USP12: variants seen among roughly 807,000 people sequenced by gnomAD.
USP12 encodes ubiquitin specific peptidase 12.
USP12 carries 19 observed loss-of-function variants against 45.5 expected under a neutral mutation model. The observed-to-expected ratio is 0.42, with a 90% CI of 0.29 to 0.61. The LOEUF (loss-of-function observed/expected upper bound fraction) is 0.61, where lower values mean the gene tolerates loss of function less well. Among genes scored for constraint, USP12 ranks in the 20% least tolerant of loss-of-function variants. USP12 has a pLI of 0.22. For synonymous variants in USP12, 149 were observed against 148.8 expected, an observed-to-expected ratio of 1.00 and a Z score of -0.01; for missense variants, 242 against 447.7, an observed-to-expected ratio of 0.54 and a Z score of 4.15.
At chr13:27,092,880 C>T (rs1048270184) in intron 4 of USP12, among the ~76,000 whole-genome samples, 4 of 152,032 alleles carry the variant, frequency 2.6e-5, no homozygotes, top group Non-Finnish European at 5.9e-5. Context: ...AAATTAAAAA[C>T]TGATAATTAA....
At chr13:27,078,073 T>A (rs564634584) in intron 6 of USP12, 2 of 152,256 alleles carry the variant, frequency 1.3e-5, no homozygotes, top group South Asian at 4.1e-4. Flanking sequence ...TTTAAATTTA[T>A]TTTTTTAATG....
intron 3 of USP12, among the ~76,000 whole-genome samples, chr13:27,097,485 C>T (rs1874645098): frequency 6.6e-6 from 1 of 152,150 alleles, no homozygotes; most frequent in African/African-American, 2.4e-5. Context: ...AACAACAAAA[C>T]AGAATACCAT....
At chr13:27,100,810 A>G (rs931181789) in intron 3 of USP12, among the ~76,000 whole-genome samples, 8 of 152,202 alleles carry the variant, frequency 5.3e-5, no homozygotes, top group Non-Finnish European at 1.2e-4. Flanking sequence ...AAAGAAGAAT[A>G]ATCAGGGAGA....
intron 1 of USP12, among the ~76,000 whole-genome samples, chr13:27,142,957 G>A (rs1026759099): frequency 6.6e-6 from 1 of 152,134 alleles, no homozygotes; most frequent in Admixed American, 6.5e-5. Context: ...ACTGGGCGTG[G>A]TGCCACACGC....
rs1365125554 is a variant in USP12 at position 27,095,675 on chromosome 13, G to A, written c.499C>T (p.Pro167Ser). 2 of 1,612,902 alleles carry A rather than the reference G, an allele frequency of 1.2e-6. No individual in the cohort carries two copies. Among genetic ancestry groups the A allele is most frequent in the East Asian group, 2.2e-5 (1 of 44,782 alleles). ...ATCTCATGAACCCACGTTGGGTCTG[G>A]TGTGCTGTTATTATTTTCATTATCA... ...NIDNENNNSTPDPTWVHEIFQ... is the reference protein window; with the variant it reads ...NIDNENNNSTSDPTWVHEIFQ... Residue 167 changes from proline to serine, a missense_variant, in exon 4 of 9, where the codon CCA becomes TCA. By Grantham distance (74) the Pro-to-Ser change is moderately conservative (BLOSUM62 -1). Coordinates refer to ENST00000282344, the MANE Select transcript of USP12 (RefSeq NM_182488.4).
At position 27,084,497 on chromosome 13, in the gene USP12, GAAA is replaced by G. The variant is rs397851869; in HGVS notation, c.734+5383_734+5385del. Among the ~76,000 whole-genome samples the G allele has an allele frequency of 1.3e-3, 129 of 98,460 alleles. No homozygotes were observed. The Middle Eastern group carries it at 0.016, about 12-fold the overall frequency. 64.6% of individuals were successfully genotyped at this position (98,460 alleles called of 152,430 possible). ...CTCCAGCCTGGAGAGACAGTGAGAT[GAAA>G]AAAAAAAAAAAAAAAAAGAGTTCTA... On this transcript the variant is annotated intron_variant, in intron 6 of 8. Transcript: ENST00000282344.
intron 1 of USP12, among the ~76,000 whole-genome samples, chr13:27,124,878 G>C (rs112401950): frequency 6.6e-6 from 1 of 152,184 alleles, no homozygotes; most frequent in Non-Finnish European, 1.5e-5. Context: ...CTGAATCAAA[G>C]GCAATGAGAA....
intron 1 of USP12, among the ~76,000 whole-genome samples, chr13:27,125,608 A>G (rs971494344): frequency 2.0e-5 from 3 of 152,138 alleles, no homozygotes; most frequent in African/African-American, 7.2e-5. Flanking sequence ...GACTGGCTGG[A>G]CAGTGGGTAC....
At chr13:27,074,334 A>G (rs1481085074) in intron 7 of USP12, among the ~76,000 whole-genome samples, 3 of 152,076 alleles carry the variant, frequency 2.0e-5, no homozygotes, top group African/African-American at 7.2e-5. Flanking sequence ...CGGGAGGCGG[A>G]GCTTGCACTG....
At chr13:27,070,606 T>A (rs988969746) in intron 8 of USP12, among the ~76,000 whole-genome samples, 4 of 150,660 alleles carry the variant, frequency 2.7e-5, no homozygotes, top group African/African-American at 9.8e-5. Context: ...CAGGCTGGAG[T>A]GCAATGGCAC....
intron 1 of USP12, among the ~76,000 whole-genome samples, chr13:27,136,218 CT>C (rs1876796946): frequency 6.6e-6 from 1 of 152,160 alleles, no homozygotes; most frequent in Non-Finnish European, 1.5e-5. Context: ...AATAAAGACC[CT>C]TGGCGGGGCG....
rs832779 is a variant in USP12, at chr13:27,087,174, G to A, written c.734+2709C>T. On this transcript the variant is annotated intron_variant, in intron 6 of 8. Transcript: ENST00000282344. ...ATGCATGTGTGTGCATACAGGGAGC[G>A]GGGGCAGGAAGGCAGAGAGAATAAG... Among the ~76,000 whole-genome samples, 1,451 of 151,570 alleles carry A rather than the reference G, an allele frequency of 9.6e-3. 25 individuals carry two copies. The highest frequency in any genetic ancestry group is 0.034 in the African/African-American group (1,394 of 41,232).
intron 1 of USP12, among the ~76,000 whole-genome samples, chr13:27,136,207 TA>T: frequency 6.6e-6 from 1 of 152,232 alleles, no homozygotes; most frequent in Non-Finnish European, 1.5e-5. Context: ...AAACAGACCT[TA>T]ATAAAGACCC....
At chr13:27,099,862 G>A (rs1429495633) in intron 3 of USP12, among the ~76,000 whole-genome samples, 1 of 152,132 alleles carries the variant, frequency 6.6e-6, no homozygotes, top group Non-Finnish European at 1.5e-5. Context: ...CCCATGTTAT[G>A]TTTAAAAACA....
intron 1 of USP12, among the ~76,000 whole-genome samples, chr13:27,134,297 G>A (rs1385936825): frequency 6.6e-6 from 1 of 152,148 alleles, no homozygotes; most frequent in Non-Finnish European, 1.5e-5. Flanking sequence ...TTGATCAAAA[G>A]CAGTTCAATT....
At chr13:27,090,268 T>C (rs1874250903) in intron 4 of USP12, 110 bp from the exon 5 acceptor site, 1 of 837,910 alleles carries the variant, frequency 1.2e-6, no homozygotes, top group South Asian at 2.3e-5. Context: ...AACAATTCTT[T>C]TCCCTCAAGT....
At chr13:27,124,401 A>G (rs1876132791) in intron 1 of USP12, among the ~76,000 whole-genome samples, 1 of 152,262 alleles carries the variant, frequency 6.6e-6, no homozygotes, top group East Asian at 1.9e-4. Context: ...CCTTACCAAG[A>G]AATTAAAAAT....
chr13:27,109,890 C>T (rs148638769), intron 2 of USP12, among the ~76,000 whole-genome samples: 3,162 of 115,894 alleles, frequency 0.027, 109 homozygotes, highest in African/African-American at 0.085. Flanking sequence ...CCAGCCTGGG[C>T]GACACAGTGA....
chr13:27,104,081 TG>T (rs1364666105), intron 3 of USP12, among the ~76,000 whole-genome samples: 2 of 152,148 alleles, frequency 1.3e-5, no homozygotes, highest in Non-Finnish European at 2.9e-5. Flanking sequence ...TTACCCAAGC[TG>T]GAGAGTGGCG....
Sources: gnomAD v4.1 joint callset for allele counts (sites outside exome capture counted in the v4.1 genomes callset) on GRCh38, gnomAD v4.1.1 for gene constraint, MANE v1.5 for transcripts, NCBI Gene and HGNC (gene_info 2026-07-23, HGNC 2026-07-21) for gene names.